Variants in DLGAP2 observed in about 807,000 individuals in gnomAD.
DLGAP2 encodes the protein DLG associated protein 2, also known as disks large-associated protein 2.
DLGAP2 carries 26 observed loss-of-function variants against 100.3 expected under a neutral mutation model. The ratio of observed to expected loss-of-function variants is 0.26; its 90% CI spans 0.19 to 0.36. The LOEUF is 0.36. DLGAP2 is among the 10% of genes least tolerant of loss of function. The pLI, the probability that DLGAP2 is intolerant of heterozygous loss-of-function variation, is 1.00. For synonymous variants in DLGAP2, 886 were observed against 630.1 expected (o/e 1.41, Z -6.08); for missense variants, 1,858 against 1,453.2 (o/e 1.28, Z -4.53).
intron 2 of DLGAP2, among the ~76,000 whole-genome samples, chr8:1,149,290 C>T (rs1255071805): frequency 1.3e-5 from 2 of 152,228 alleles, no homozygotes; most frequent in East Asian, 3.9e-4. Flanking sequence ...GGACTACAGG[C>T]ACCCGCCACC....
At chr8:1,530,030 C>A (rs924703513) in intron 4 of DLGAP2, among the ~76,000 whole-genome samples, 1 of 152,126 alleles carries the variant, frequency 6.6e-6, no homozygotes, top group Admixed American at 6.5e-5. Context: ...AGGACGGGAG[C>A]GAAATTAAAA....
rs1796511450 is a variant in DLGAP2 at position 817,831 on chromosome 8, C to T, written c.18+80006C>T. Among the ~76,000 whole-genome samples the T allele has an allele frequency of 2.0e-5, 3 of 152,330 alleles. No individual in the cohort carries two copies. The South Asian group carries it at 6.2e-4, about 32-fold the overall frequency. ...ATGTGATTTTTGTCTTAAAGTCTTG[C>T]AGATGTGGATACCAGCACCTGCTCC... is the stretch of plus-strand genomic sequence containing the variant. On this transcript the variant is annotated intron_variant, in intron 1 of 14. Coordinates refer to ENST00000637795, the MANE Select transcript of DLGAP2 (RefSeq NM_001346810.2).
chr8:1,697,740 T>C (rs990236369), intron 14 of DLGAP2, among the ~76,000 whole-genome samples: 1 of 152,240 alleles, frequency 6.6e-6, no homozygotes, highest in Non-Finnish European at 1.5e-5. Context: ...ATATACCTTC[T>C]AGTATGGCCA....
chr8:1,213,063 G>A (rs1472629365), intron 2 of DLGAP2, among the ~76,000 whole-genome samples: 1 of 152,106 alleles, frequency 6.6e-6, no homozygotes, highest in Non-Finnish European at 1.5e-5. Flanking sequence ...ACAGAACGGT[G>A]AGTATCCAGC....
intron 2 of DLGAP2, among the ~76,000 whole-genome samples, chr8:1,074,290 A>G (rs948501179): frequency 6.6e-6 from 1 of 151,340 alleles, no homozygotes. Flanking sequence ...CCAGGTACAT[A>G]TTCAGGATTC....
At chr8:965,915 G>A (rs1039565848) in intron 2 of DLGAP2, among the ~76,000 whole-genome samples, 1 of 152,188 alleles carries the variant, frequency 6.6e-6, no homozygotes, top group African/African-American at 2.4e-5. Flanking sequence ...CTGAGCCTGA[G>A]GAGGAGCGTG....
chr8:1,678,523 G>T lies in DLGAP2; in HGVS notation c.2598G>T (p.Arg866Ser), dbSNP rs2130855438. ...CTGGGAGGATGTCTCCGTGCCGCAG[G>T]GATGGCTCGTGGTTTTTGAAGCTGC... ...VETGRMSPCR[R>S]DGSWFLKLLH... Residue 866 changes from arginine (R) to serine (S), a missense_variant, in exon 12 of 15, where the codon AGG (arginine) becomes AGT (serine). Transcript: ENST00000637795. 1 of 1,605,610 alleles carries T rather than the reference G, an allele frequency of 6.2e-7. No individual in the cohort carries two copies. Among genetic ancestry groups the T allele is most frequent in the East Asian group, 2.2e-5 (1 of 44,478 alleles).
chr8:1,238,417 C>T (rs1470791013), intron 2 of DLGAP2, among the ~76,000 whole-genome samples: 1 of 110,986 alleles, frequency 9.0e-6, no homozygotes, highest in Non-Finnish European at 1.9e-5. Flanking sequence ...CTAGTTATCT[C>T]ACATGGTGCC....
intron 2 of DLGAP2, among the ~76,000 whole-genome samples, chr8:1,097,494 C>G (rs1298074462): frequency 1.5e-5 from 2 of 134,720 alleles, no homozygotes; most frequent in African/African-American, 2.9e-5. Flanking sequence ...GGCCTTCACC[C>G]TCTGTGGCAT....
At chr8:1,573,520 T>C (rs79788528) in intron 6 of DLGAP2, among the ~76,000 whole-genome samples, 1,818 of 152,218 alleles carry the variant, frequency 0.012, 39 homozygotes, top group African/African-American at 0.041. Flanking sequence ...GACCCCTGAC[T>C]GCCATCCGTG....
At chr8:965,084 C>T in intron 2 of DLGAP2, among the ~76,000 whole-genome samples, 1 of 149,342 alleles carries the variant, frequency 6.7e-6, no homozygotes, top group South Asian at 2.1e-4. Flanking sequence ...CTGCACACGG[C>T]AGTGTTCATC....
rs145386445 is a variant in DLGAP2 at position 1,557,721 on chromosome 8, G to C, written c.1231-7962G>C. ...CCAGCTCCTGCTGAGCCTCTCCTGG[G>C]CACGCAGACGCCGTCCTCTCCCCAT... On this transcript the variant is annotated intron_variant, in intron 5 of 14. Coordinates refer to ENST00000637795, the MANE Select transcript of DLGAP2 (RefSeq NM_001346810.2). 3.1e-3 allele frequency among the ~76,000 whole-genome samples: 471 copies of C among 152,300 alleles called. 3 individuals are homozygous for C. Among genetic ancestry groups the C allele is most frequent in the African/African-American group, 0.011 (446 of 41,556 alleles).
chr8:1,147,222 G>A lies in DLGAP2; in HGVS notation c.74-111629G>A, dbSNP rs1193377511. 3.9e-5 allele frequency among the ~76,000 whole-genome samples: 6 copies of A among 152,108 alleles called. No individual in the cohort carries two copies. In the East Asian group the frequency reaches 9.7e-4, roughly 24 times the overall value. On this transcript the variant is annotated intron_variant, in intron 2 of 14. Transcript: ENST00000637795. ...TTCCTTAGATTTATCATAGGTATTC[G>A]ATATTTCCTCATGCTATTGTAAACT...
chr8:1,509,350 T>G (rs1411423360), intron 4 of DLGAP2, among the ~76,000 whole-genome samples: 1 of 143,336 alleles, frequency 7.0e-6, no homozygotes, highest in Admixed American at 6.9e-5. Context: ...AAAAACCGTA[T>G]AGACTAGAAA....
In DLGAP2 at chr8:1,408,385, C is replaced by A. The variant is rs1270675690; in HGVS notation, c.107-92981C>A. Among the ~76,000 whole-genome samples, 8 of 152,268 alleles carry A rather than the reference C, an allele frequency of 5.3e-5. No individual in the cohort carries two copies. The East Asian group carries it at 1.4e-3, about 26-fold the overall frequency. On this transcript the variant is annotated intron_variant, in intron 3 of 14. Transcript: ENST00000637795. ...ATCAGGGGAGAAATCAGTTCCAGGC[C>A]CCAGCTCCAAGTTCGCCACAACCTG...
chr8:738,002 G>C, intron 1 of DLGAP2, 177 bp downstream of exon 1: 1 of 321,942 alleles, frequency 3.1e-6, no homozygotes, highest in East Asian at 4.9e-5. Context: ...CCCAGGGACA[G>C]CCTGTGCTCG....
chr8:857,961 C>G (rs1481134740), intron 1 of DLGAP2, among the ~76,000 whole-genome samples: 1 of 150,382 alleles, frequency 6.6e-6, no homozygotes, highest in South Asian at 2.1e-4. Flanking sequence ...GCCTCTGTCT[C>G]CTGGATTCAA....
chr8:1,078,970 A>C (rs1050746288), intron 2 of DLGAP2, among the ~76,000 whole-genome samples: 1 of 152,220 alleles, frequency 6.6e-6, no homozygotes. Flanking sequence ...GTTTTATAAG[A>C]AACTGCCAAA....
chr8:1,516,383 CTGAG>C (rs1230718473), intron 4 of DLGAP2, among the ~76,000 whole-genome samples: 5 of 141,596 alleles, frequency 3.5e-5, no homozygotes, highest in Middle Eastern at 4.3e-3. Context: ...GAGTGAGTGA[CTGAG>C]TGAATGAGTG....
Sources: allele counts gnomAD v4.1 joint callset (sites outside exome capture counted in the v4.1 genomes callset), GRCh38; gene constraint gnomAD v4.1.1; transcripts MANE v1.5; gene names NCBI Gene and HGNC (gene_info 2026-07-23, HGNC 2026-07-21).